The following RNF6 variants were observed in gnomAD, a reference collection of about 807,000 sequenced individuals.
RNF6 encodes E3 ubiquitin-protein ligase RNF6.
Under a neutral mutation model 50.1 loss-of-function variants are expected in RNF6, and 21 were observed. That is an observed-to-expected ratio of 0.42 (90% CI 0.30 to 0.60). The LOEUF is 0.60. Among genes scored for constraint, RNF6 ranks in the 20% least tolerant of loss-of-function variants. The probability of loss-of-function intolerance (pLI) is 0.20; values close to 1 mark genes in which losing one functional copy is unlikely to be tolerated. For missense variants in RNF6, 698 were observed against 838.2 expected (o/e 0.83, Z 2.07); for synonymous variants, 255 against 291.8 (o/e 0.87, Z 1.29).
chr13:26,173,915 T>C (rs945139585), intron 5 of RNF6, among the ~76,000 whole-genome samples: 3 of 135,276 alleles, frequency 2.2e-5, no homozygotes, highest in East Asian at 2.2e-4. Flanking sequence ...GGCGCCACTG[T>C]ACTCCAGCCT....
rs78105823 is a variant in RNF6, at chr13:26,132,213, A to G, written n.1007T>C. On this transcript the variant is annotated non_coding_transcript_exon_variant, in exon 6 of 6. Transcript: ENST00000468480. Reference sequence around the variant, plus strand: ...TTCAGGGTATTTCAAAGCCAAGTACAATATGAACAAGTACAATGTTTTAAA... The same window carrying G: ...TTCAGGGTATTTCAAAGCCAAGTACGATATGAACAAGTACAATGTTTTAAA... 1.1e-4 allele frequency: 29 copies of G among 269,394 alleles called. No homozygotes were observed. The East Asian group carries it at 2.3e-3, about 21-fold the overall frequency. 16.7% of individuals were successfully genotyped at this position (269,394 alleles called of 1,614,324 possible). A position where few individuals can be genotyped will look rare whatever the true frequency, so the allele number is the denominator to read the frequency against.
At chr13:26,175,223 G>A (rs2137643873) in intron 5 of RNF6, among the ~76,000 whole-genome samples, 1 of 152,266 alleles carries the variant, frequency 6.6e-6, no homozygotes, top group Admixed American at 6.5e-5. Context: ...TGGGACTACA[G>A]GTGCACACCA....
intron 5 of RNF6, among the ~76,000 whole-genome samples, chr13:26,186,916 T>C (rs1166312669): frequency 6.6e-6 from 1 of 152,126 alleles, no homozygotes; most frequent in Non-Finnish European, 1.5e-5. Context: ...TAGCTGGGAC[T>C]ACAGGCGCCC....
chr13:26,191,930 G>T (rs1477530413), intron 5 of RNF6, among the ~76,000 whole-genome samples: 1 of 152,190 alleles, frequency 6.6e-6, no homozygotes. Flanking sequence ...AGGTGAAGAA[G>T]TTGGCCATGC....
intron 5 of RNF6, among the ~76,000 whole-genome samples, chr13:26,151,259 C>G (rs1335034269): frequency 6.6e-6 from 1 of 151,592 alleles, no homozygotes; most frequent in Non-Finnish European, 1.5e-5. Flanking sequence ...TCCAGATGGT[C>G]TGATATCTTT....
At chr13:26,219,361 G>A in intron 3 of RNF6, 96 bp downstream of exon 3, 1 of 1,045,510 alleles carries the variant, frequency 9.6e-7, no homozygotes, top group Non-Finnish European at 1.4e-6. Context: ...TTTTCATAAA[G>A]AGAAGCAAGG....
rs573795380 is a variant in RNF6 at position 26,214,122 on chromosome 13, C to T, written c.1760G>A (p.Arg587His). The T allele has an allele frequency of 2.4e-5, 39 of 1,614,114 alleles. No individual in the cohort carries two copies. The highest frequency in any genetic ancestry group is 2.9e-5 in the Non-Finnish European group (34 of 1,180,030). ...LVETGTLPIL[R>H]LAHFFLLNES... is the part of the protein sequence containing the mutation. ...ATTTAGTAAAAAAAAGTGAGCAAGG[C>T]GAAGAATGGGTAGTGTTCCAGTTTC... The change falls in exon 5 of 5, where the codon CGC becomes CAC. Residue 587 changes from arginine (R) to histidine (H), a missense_variant. Physicochemically the swap from Arg to His is conservative, Grantham distance 29 (BLOSUM62 0). Coordinates refer to ENST00000381588, the MANE Select transcript of RNF6 (RefSeq NM_005977.4).
chr13:26,170,860 A>C (rs1309540165), intron 5 of RNF6, among the ~76,000 whole-genome samples: 2 of 152,238 alleles, frequency 1.3e-5, no homozygotes, highest in Non-Finnish European at 2.9e-5. Flanking sequence ...GTATATTCAC[A>C]TGCAAAAGAA....
At chr13:26,137,271 A>C (rs1278155176) in intron 5 of RNF6, among the ~76,000 whole-genome samples, 1 of 152,150 alleles carries the variant, frequency 6.6e-6, no homozygotes, top group Admixed American at 6.5e-5. Flanking sequence ...GGTGATGGAT[A>C]GCAATTGGGG....
Position 26,183,356 on chromosome 13 carries a change from A to G in RNF6, n.768+32118T>C, listed in dbSNP as rs1873331306. 2.0e-5 allele frequency among the ~76,000 whole-genome samples: 3 copies of G among 152,352 alleles called. No homozygotes were observed. The South Asian group carries it at 6.2e-4, about 32-fold the overall frequency. ...AATAAATTGTGAAGGAAGCCTCACAATTTAGAAGCGCCAATGTGAGGAGCT... is the reference window on the plus strand; with the variant it reads ...AATAAATTGTGAAGGAAGCCTCACAGTTTAGAAGCGCCAATGTGAGGAGCT... On this transcript the variant is annotated intron_variant and non_coding_transcript_variant, in intron 5 of 5. Coordinates refer to the RNF6 transcript ENST00000468480.
At chr13:26,216,509 C>A (rs1869888709) in intron 4 of RNF6, among the ~76,000 whole-genome samples, 1 of 151,902 alleles carries the variant, frequency 6.6e-6, no homozygotes, top group Non-Finnish European at 1.5e-5. Context: ...AATGTGTCAC[C>A]CATAAACTTT....
At chr13:26,186,594 C>G (rs1873546214) in intron 5 of RNF6, among the ~76,000 whole-genome samples, 1 of 152,192 alleles carries the variant, frequency 6.6e-6, no homozygotes, top group African/African-American at 2.4e-5. Context: ...CTGACGGGGC[C>G]GAGCCTCGGA....
intron 5 of RNF6, among the ~76,000 whole-genome samples, chr13:26,153,276 T>C (rs926842955): frequency 2.0e-5 from 3 of 151,956 alleles, no homozygotes; most frequent in African/African-American, 2.4e-5. Flanking sequence ...TGCAGTGGAG[T>C]AATCTCAGCT....
At chr13:26,146,951 T>C (rs962146732) in intron 5 of RNF6, among the ~76,000 whole-genome samples, 4 of 152,136 alleles carry the variant, frequency 2.6e-5, no homozygotes, top group Admixed American at 6.6e-5. Flanking sequence ...GCACCATGAT[T>C]GTAAATTTCC....
At chr13:26,141,760 C>T (rs1342471431) in intron 5 of RNF6, among the ~76,000 whole-genome samples, 1 of 152,006 alleles carries the variant, frequency 6.6e-6, no homozygotes, top group Non-Finnish European at 1.5e-5. Context: ...AAATGAAAAA[C>T]CTGAAACTAT....
intron 5 of RNF6, among the ~76,000 whole-genome samples, chr13:26,195,866 C>T (rs1868640051): frequency 6.6e-6 from 1 of 152,064 alleles, no homozygotes; most frequent in African/African-American, 2.4e-5. Context: ...TCAAGATGAC[C>T]TTATTATTCA....
chr13:26,139,635 AG>A (rs1870831340), intron 5 of RNF6, among the ~76,000 whole-genome samples: 1 of 152,316 alleles, frequency 6.6e-6, no homozygotes, highest in African/African-American at 2.4e-5. Context: ...ATCAGTTTGA[AG>A]GAAATTGACA....
intron 5 of RNF6, among the ~76,000 whole-genome samples, chr13:26,204,643 G>T (rs1033398868): frequency 2.6e-5 from 4 of 152,096 alleles, no homozygotes; most frequent in Non-Finnish European, 4.4e-5. Flanking sequence ...GATGTGTTTA[G>T]AAGACGTCCA....
intron 5 of RNF6, among the ~76,000 whole-genome samples, chr13:26,182,349 A>G (rs113102717): frequency 6.6e-6 from 1 of 152,228 alleles, no homozygotes; most frequent in East Asian, 1.9e-4. Context: ...GCTTCCTCAA[A>G]TTAAATTTGG....
Sources: gnomAD v4.1 joint callset for allele counts (sites outside exome capture counted in the v4.1 genomes callset) on GRCh38, gnomAD v4.1.1 for gene constraint, MANE v1.5 for transcripts, NCBI Gene and HGNC (gene_info 2026-07-23, HGNC 2026-07-21) for gene names.